Variants in CSMD1 observed in about 807,000 individuals in gnomAD.
The protein encoded by CSMD1 is CUB and Sushi multiple domains 1.
In CSMD1, 213 loss-of-function variants were observed where a neutral mutation model predicts 417.5. The observed-to-expected ratio is 0.51, with a 90% CI of 0.46 to 0.57. CSMD1 has a LOEUF of 0.57. Ranked by LOEUF, CSMD1 falls within the 20% of genes least tolerant of loss-of-function variation. The probability of loss-of-function intolerance (pLI) is 0.00; values close to 1 mark genes in which losing one functional copy is unlikely to be tolerated. For synonymous variants in CSMD1, 2,862 were observed against 1,736.8 expected, an observed-to-expected ratio of 1.65 and a Z score of -16.11; for missense variants, 6,923 against 4,529.7, an observed-to-expected ratio of 1.53 and a Z score of -15.17.
At chr8:4,425,433 A>G (rs551163977) in intron 2 of CSMD1, among the ~76,000 whole-genome samples, 1 of 151,662 alleles carries the variant, frequency 6.6e-6, no homozygotes, top group East Asian at 1.9e-4. Flanking sequence ...ATGCGGAAGG[A>G]TGAGTGGATC....
chr8:4,391,709 T>C (rs1048378917), intron 3 of CSMD1, among the ~76,000 whole-genome samples: 2 of 152,112 alleles, frequency 1.3e-5, no homozygotes, highest in African/African-American at 2.4e-5. Flanking sequence ...AGCTTCCCCA[T>C]GTGAAAAACC....
intron 3 of CSMD1, among the ~76,000 whole-genome samples, chr8:4,071,969 G>A (rs1006271167): frequency 6.6e-6 from 1 of 152,172 alleles, no homozygotes; most frequent in Non-Finnish European, 1.5e-5. Context: ...CCAGTCTAGA[G>A]CTCTCCTTTC....
At chr8:3,257,867 C>A (rs559285230) in intron 26 of CSMD1, among the ~76,000 whole-genome samples, 1 of 152,004 alleles carries the variant, frequency 6.6e-6, no homozygotes, top group African/African-American at 2.4e-5. Context: ...ACTCAGTGAT[C>A]CAGGGGCCAT....
intron 5 of CSMD1, among the ~76,000 whole-genome samples, chr8:3,763,542 C>G (rs866901215): frequency 2.0e-5 from 3 of 152,132 alleles, no homozygotes; most frequent in Non-Finnish European, 4.4e-5. Context: ...TTCTTCAGGC[C>G]CTTACCAGAA....
intron 1 of CSMD1, among the ~76,000 whole-genome samples, chr8:4,791,095 T>TGAGAAGAGACGGTGAGAAGAGACGGG (rs1563394648): frequency 3.8e-5 from 5 of 132,938 alleles, no homozygotes; most frequent in African/African-American, 1.3e-4. Context: ...AGAGAGACGG[T>TGAGAAGAGACGGTGAGAAGAGACGGG]GAGAAGAGAC....
Position 3,029,369 on chromosome 8 carries a change from C to T in CSMD1, c.7805G>A (p.Cys2602Tyr). 1.2e-6 allele frequency: 2 copies of T among 1,611,338 alleles called. No individual in the cohort carries two copies. Among genetic ancestry groups the T allele is most frequent in the Non-Finnish European group, 1.7e-6 (2 of 1,179,418 alleles). The stretch of plus-strand genomic sequence containing the variant: ...TATGTTCCACGTCCCATTGGCCTGG[C>T]ACCGCAGGAGCCTCCAGCCTTCTAA... ...YYLEGWRLLR[C>Y]QANGTWNIGD... Residue 2602 changes from cysteine (C) to tyrosine (Y), a missense_variant, in exon 51 of 70, where the codon TGC becomes TAC. Cys to Tyr is a radical substitution (Grantham distance 194). Transcript: ENST00000635120.
chr8:3,053,981 T>G (rs1812046152), intron 49 of CSMD1, among the ~76,000 whole-genome samples: 1 of 152,134 alleles, frequency 6.6e-6, no homozygotes, highest in Non-Finnish European at 1.5e-5. Context: ...CGGGAAGGGC[T>G]GGATGAAGAA....
intron 5 of CSMD1, among the ~76,000 whole-genome samples, chr8:3,871,274 A>T (rs1805464902): frequency 6.6e-6 from 1 of 152,126 alleles, no homozygotes; most frequent in Non-Finnish European, 1.5e-5. Context: ...ATTACTCTTC[A>T]ATAAAAAGCT....
chr8:2,939,824 G>T (rs1801739558), intron 69 of CSMD1, among the ~76,000 whole-genome samples: 1 of 152,238 alleles, frequency 6.6e-6, no homozygotes, highest in Admixed American at 6.5e-5. Context: ...CGCCAGCAGT[G>T]ATCGTTAGCA....
At position 4,146,593 on chromosome 8, in the gene CSMD1, CATTTTTTTTTTT is replaced by C. The variant is rs1391881633; in HGVS notation, c.416-114506_416-114495del. 2.2e-3 allele frequency among the ~76,000 whole-genome samples: 196 copies of C among 90,744 alleles called. 11 individuals carry two copies. Among genetic ancestry groups the C allele is most frequent in the Non-Finnish European group, 3.1e-3 (161 of 51,286 alleles). 59.5% of individuals were successfully genotyped at this position (90,744 alleles called of 152,430 possible). A position where few individuals can be genotyped will look rare whatever the true frequency, so the allele number is the denominator to read the frequency against. On this transcript the variant is annotated intron_variant, in intron 3 of 69. Transcript: ENST00000635120. ...ATCTGTCTAAATGTTTATATGGACACATTTTTTTTTTTTTTTTTTTTTTTTTTTTTTTTTTTG... is the reference window on the plus strand; with the variant it reads ...ATCTGTCTAAATGTTTATATGGACACTTTTTTTTTTTTTTTTTTTTTTTTG...
At chr8:3,879,056 C>G (rs977409460) in intron 5 of CSMD1, among the ~76,000 whole-genome samples, 1 of 152,072 alleles carries the variant, frequency 6.6e-6, no homozygotes, top group Non-Finnish European at 1.5e-5. Flanking sequence ...TCTCTAAGAA[C>G]AGGGATAGCA....
intron 1 of CSMD1, among the ~76,000 whole-genome samples, chr8:4,928,850 A>G (rs1177192860): frequency 6.6e-6 from 1 of 152,112 alleles, no homozygotes; most frequent in Non-Finnish European, 1.5e-5. Context: ...TGAGTGGATC[A>G]CCTGAGGTTG....
chr8:3,462,293 C>G (rs1388660429), intron 12 of CSMD1, among the ~76,000 whole-genome samples: 1 of 152,154 alleles, frequency 6.6e-6, no homozygotes, highest in Non-Finnish European at 1.5e-5. Flanking sequence ...ATCCTAGCTC[C>G]AGACCTCCCT....
chr8:3,935,262 G>A (rs958315884), intron 5 of CSMD1, among the ~76,000 whole-genome samples: 1 of 152,146 alleles, frequency 6.6e-6, no homozygotes, highest in Admixed American at 6.5e-5. Context: ...ATCATTATAT[G>A]AAAGAATTTT....
chr8:4,719,925 AG>A (rs1183537493), intron 1 of CSMD1, among the ~76,000 whole-genome samples: 1 of 152,136 alleles, frequency 6.6e-6, no homozygotes, highest in East Asian at 1.9e-4. Flanking sequence ...TGATTTTAAC[AG>A]TTGTTGATAG....
At chr8:4,790,255 C>A (rs982965701) in intron 1 of CSMD1, among the ~76,000 whole-genome samples, 5 of 152,052 alleles carry the variant, frequency 3.3e-5, no homozygotes, top group African/African-American at 1.2e-4. Context: ...AATAAAATAA[C>A]TAGGAATACA....
chr8:4,119,587 C>T (rs555745732), intron 3 of CSMD1, among the ~76,000 whole-genome samples: 11 of 15,662 alleles, frequency 7.0e-4, no homozygotes, highest in African/African-American at 1.9e-3. Context: ...TAGTAGTGTT[C>T]TTCTATCTAG....
chr8:4,560,566 A>C (rs1798286056), intron 2 of CSMD1, among the ~76,000 whole-genome samples: 1 of 152,202 alleles, frequency 6.6e-6, no homozygotes, highest in South Asian at 2.1e-4. Flanking sequence ...GTGTGAGCTA[A>C]AACACTGTGC....
chr8:4,160,503 TCAGA>T (rs766826801), intron 3 of CSMD1, among the ~76,000 whole-genome samples: 26 of 152,212 alleles, frequency 1.7e-4, no homozygotes, highest in Middle Eastern at 3.2e-3. Flanking sequence ...CGGTTGAAAG[TCAGA>T]CAATCATTAT....
Sources: gnomAD v4.1 joint callset for allele counts (sites outside exome capture counted in the v4.1 genomes callset) on GRCh38, gnomAD v4.1.1 for gene constraint, MANE v1.5 for transcripts, NCBI Gene and HGNC (gene_info 2026-07-23, HGNC 2026-07-21) for gene names.